DNAJB14: variants seen among roughly 807,000 people sequenced by gnomAD.
The protein encoded by DNAJB14 is DnaJ heat shock protein family (Hsp40) member B14.
A neutral mutation model predicts 48.4 loss-of-function variants in DNAJB14; 22 were observed. The observed-to-expected ratio is 0.45, with a 90% CI of 0.32 to 0.65. The LOEUF is 0.65. Ranked by LOEUF, DNAJB14 falls within the 30% of genes least tolerant of loss-of-function variation. The pLI, the probability that DNAJB14 is intolerant of heterozygous loss-of-function variation, is 0.03. For missense variants in DNAJB14, 319 were observed against 458.8 expected, an observed-to-expected ratio of 0.70 and a Z score of 2.78; for synonymous variants, 142 against 158.7, an observed-to-expected ratio of 0.89 and a Z score of 0.79.
intron 2 of DNAJB14, chr4:99,926,788 T>C (rs902011181): frequency 6.6e-6 from 1 of 151,840 alleles, no homozygotes; most frequent in Non-Finnish European, 1.5e-5. Flanking sequence ...TTTCACTAAC[T>C]CTTAGCTGTA....
At position 99,937,297 on chromosome 4, in the gene DNAJB14, CAGAG is replaced by C. The variant is rs1182281010; in HGVS notation, c.134-6680_134-6677del. Among the ~76,000 whole-genome samples, 4 of 151,978 alleles carry C rather than the reference CAGAG, an allele frequency of 2.6e-5. No homozygotes were observed. The East Asian group carries it at 5.8e-4, about 22-fold the overall frequency. ...GCGCCATACACTCCAGCCTGGGTGA[CAGAG>C]AGAGACTCCATCTCAAAGAATAACA... On this transcript the variant is annotated intron_variant, in intron 1 of 7. Transcript: ENST00000442697.
At chr4:99,926,065 T>G (rs1726239107) in intron 2 of DNAJB14, 1 of 152,274 alleles carries the variant, frequency 6.6e-6, no homozygotes, top group African/African-American at 2.4e-5. Context: ...TCTTCTTGGT[T>G]AGCTAGTTTC....
At chr4:99,920,463 C>T (rs963318890) in intron 3 of DNAJB14, among the ~76,000 whole-genome samples, 2 of 152,124 alleles carry the variant, frequency 1.3e-5, no homozygotes, top group African/African-American at 4.8e-5. Context: ...ATGTGTATGT[C>T]AACAGACACA....
chr4:99,943,609 C>T (rs563619357), intron 1 of DNAJB14, among the ~76,000 whole-genome samples: 1 of 152,280 alleles, frequency 6.6e-6, no homozygotes, highest in African/African-American at 2.4e-5. Context: ...ACATTGTCTC[C>T]ATTTTACAGA....
intron 3 of DNAJB14, among the ~76,000 whole-genome samples, chr4:99,916,446 T>G (rs149216648): frequency 8.1e-4 from 124 of 152,342 alleles, no homozygotes; most frequent in African/African-American, 2.9e-3. Flanking sequence ...AGTGAAAACA[T>G]GCTTTTAAAA....
At chr4:99,928,444 G>T in intron 2 of DNAJB14, 1 of 270,990 alleles carries the variant, frequency 3.7e-6, no homozygotes, top group Non-Finnish European at 8.0e-6. Flanking sequence ...GTGTCTCCTT[G>T]CCTACAGCCA....
At chr4:99,919,455 G>T (rs1725972636) in intron 3 of DNAJB14, among the ~76,000 whole-genome samples, 1 of 152,038 alleles carries the variant, frequency 6.6e-6, no homozygotes, top group South Asian at 2.1e-4. Context: ...ATTGGTGGCA[G>T]GCGCCTGTAA....
intron 3 of DNAJB14, among the ~76,000 whole-genome samples, chr4:99,918,630 G>A (rs1443753074): frequency 6.6e-6 from 1 of 152,208 alleles, no homozygotes; most frequent in African/African-American, 2.4e-5. Context: ...GGCCTCTGAA[G>A]ACACTCAAGG....
At chr4:99,930,947 C>A (rs1192121808) in intron 1 of DNAJB14, among the ~76,000 whole-genome samples, 2 of 152,146 alleles carry the variant, frequency 1.3e-5, no homozygotes, top group African/African-American at 4.8e-5. Flanking sequence ...CCAATGAGAT[C>A]ATCCACAAAG....
chr4:99,919,086 G>A (rs541620580), intron 3 of DNAJB14, among the ~76,000 whole-genome samples: 1 of 152,278 alleles, frequency 6.6e-6, no homozygotes, highest in East Asian at 1.9e-4. Flanking sequence ...CTCAGACTTT[G>A]CTAGTGTGGG....
chr4:99,939,484 C>A (rs1305988126), intron 1 of DNAJB14, among the ~76,000 whole-genome samples: 3 of 152,334 alleles, frequency 2.0e-5, no homozygotes, highest in East Asian at 3.9e-4. Context: ...CAAACATGTT[C>A]TCCCATGGTT....
chr4:99,911,820 C>A (rs1725670188), intron 3 of DNAJB14, among the ~76,000 whole-genome samples: 1 of 152,066 alleles, frequency 6.6e-6, no homozygotes, highest in Non-Finnish European at 1.5e-5. Flanking sequence ...ACGTGCCTGG[C>A]AAATCTTTTT....
intron 1 of DNAJB14, among the ~76,000 whole-genome samples, chr4:99,934,789 CAA>C (rs1167945149): frequency 8.9e-3 from 60 of 6,732 alleles, no homozygotes; most frequent in African/African-American, 0.026. Context: ...AAGACTGTCT[CAA>C]AAAAAAAAAA....
intron 1 of DNAJB14, among the ~76,000 whole-genome samples, chr4:99,940,940 T>C (rs1386779773): frequency 6.6e-6 from 1 of 150,504 alleles, no homozygotes; most frequent in Non-Finnish European, 1.5e-5. Flanking sequence ...ACAATCCCTA[T>C]ATATATATAT....
At chr4:99,924,911 A>C in intron 2 of DNAJB14, 1 of 801,904 alleles carries the variant, frequency 1.2e-6, no homozygotes, top group Non-Finnish European at 2.2e-6. Context: ...GACCGAAAAG[A>C]TGTGAAGCTA....
rs59597113 is a variant in DNAJB14, at chr4:99,938,097, C to CAAAAAAAAAAAAAAAA, written c.134-7492_134-7477dup. On this transcript the variant is annotated intron_variant, in intron 1 of 7. Coordinates refer to ENST00000442697, the MANE Select transcript of DNAJB14 (RefSeq NM_001031723.4). ...ACATGGCGAAACCATGTTAAAAATA[C>CAAAAAAAAAAAAAAAA]AAAAAAAAAAAAAAAAAAAAAAAAA... Among the ~76,000 whole-genome samples the CAAAAAAAAAAAAAAAA allele has an allele frequency of 5.4e-4, 22 of 40,976 alleles. 3 individuals carry two copies. Among genetic ancestry groups the CAAAAAAAAAAAAAAAA allele is most frequent in the Middle Eastern group, 0.042 (1 of 24 alleles). 26.9% of individuals were successfully genotyped at this position (40,976 alleles called of 152,430 possible).
intron 6 of DNAJB14, 123 bp from the exon 7 acceptor site, chr4:99,904,021 A>T: frequency 1.0e-6 from 1 of 1,001,150 alleles, no homozygotes; most frequent in Non-Finnish European, 1.4e-6. Context: ...CAGGTTGAGC[A>T]TCCCTAATCC....
intron 3 of DNAJB14, among the ~76,000 whole-genome samples, chr4:99,914,659 A>T (rs1347883692): frequency 2.0e-5 from 3 of 151,840 alleles, no homozygotes; most frequent in Admixed American, 6.6e-5. Context: ...TATATATATA[A>T]AATAAAAAAT....
chr4:99,943,051 A>G (rs373419918), intron 1 of DNAJB14, among the ~76,000 whole-genome samples: 43 of 152,300 alleles, frequency 2.8e-4, no homozygotes, highest in African/African-American at 9.9e-4. Context: ...GAATTCTTAA[A>G]TTGTACCAAT....
Sources: gnomAD v4.1 joint callset for allele counts (sites outside exome capture counted in the v4.1 genomes callset) on GRCh38, gnomAD v4.1.1 for gene constraint, MANE v1.5 for transcripts, NCBI Gene and HGNC (gene_info 2026-07-23, HGNC 2026-07-21) for gene names.